The following TBC1D30 variants were observed in gnomAD, a reference collection of about 807,000 sequenced individuals.
TBC1D30 encodes TBC1 domain family member 30, also known as TBC1 domain family, member 30.
TBC1D30 carries 31 observed loss-of-function variants against 63.2 expected under a neutral mutation model. That is an observed-to-expected ratio of 0.49 (90% CI 0.37 to 0.66). The LOEUF is 0.66. Ranked by LOEUF, TBC1D30 falls within the 30% of genes least tolerant of loss-of-function variation. TBC1D30 has a pLI of 0.00. For missense variants in TBC1D30, 810 were observed against 953.6 expected (o/e 0.85, Z 1.98); for synonymous variants, 307 against 361.5 (o/e 0.85, Z 1.71).
chr12:64,857,513 G>A (rs1189681919), intron 8 of TBC1D30, among the ~76,000 whole-genome samples: 1 of 152,196 alleles, frequency 6.6e-6, no homozygotes, highest in Non-Finnish European at 1.5e-5. Context: ...TAAGCAGAAG[G>A]AAGGAGTCAC....
At chr12:64,788,645 C>T (rs546565097) in intron 2 of TBC1D30, among the ~76,000 whole-genome samples, 5 of 152,180 alleles carry the variant, frequency 3.3e-5, no homozygotes, top group East Asian at 1.9e-4. Context: ...AAGCGCTCAC[C>T]GTAATTCATG....
intron 1 of TBC1D30, among the ~76,000 whole-genome samples, chr12:64,773,702 G>A (rs1179659228): frequency 6.6e-6 from 1 of 152,186 alleles, no homozygotes; most frequent in Non-Finnish European, 1.5e-5. Context: ...AAAACCCAAG[G>A]TGACTGGGAC....
At chr12:64,807,836 C>A (rs1288686156) in intron 2 of TBC1D30, among the ~76,000 whole-genome samples, 1 of 151,616 alleles carries the variant, frequency 6.6e-6, no homozygotes, top group African/African-American at 2.4e-5. Flanking sequence ...ACCTTGAACT[C>A]CTGGGCTCAA....
Position 64,824,657 on chromosome 12 carries a change from G to A in TBC1D30, c.-223G>A, listed in dbSNP as rs1346726554. On this transcript the variant is annotated 5_prime_UTR_variant, in exon 1 of 12. Coordinates refer to ENST00000539867, the MANE Select transcript of TBC1D30 (RefSeq NM_015279.2). Reference sequence around the variant, plus strand: ...GCGATCTCCTGCCTCAGCCTTGCAGGCTCCGCACTGCAGATGCCTGCTGGC... The same window carrying A: ...GCGATCTCCTGCCTCAGCCTTGCAGACTCCGCACTGCAGATGCCTGCTGGC... 3.9e-6 allele frequency: 2 copies of A among 516,684 alleles called. No individual in the cohort carries two copies. Among genetic ancestry groups the A allele is most frequent in the East Asian group, 6.9e-5 (2 of 28,874 alleles). The allele number at this position is 516,684 out of a possible 1,614,324, so 32.0% of individuals were successfully genotyped here.
rs1879355169 is a variant in TBC1D30, at chr12:64,880,027, G to C, written c.*4239G>C. 6.6e-6 allele frequency: 1 copy of C among 152,208 alleles called. No homozygotes were observed. The highest frequency in any genetic ancestry group is 2.4e-5 in the African/African-American group (1 of 41,456). 9.4% of individuals were successfully genotyped at this position (152,208 alleles called of 1,614,324 possible). The stretch of plus-strand genomic sequence containing the variant: ...TAGGGGAGATGTTTGGATGAATTAT[G>C]ATTCATCCCCAGGATGGAAATGTGA... On this transcript the variant is annotated 3_prime_UTR_variant, in exon 12 of 12. Transcript: ENST00000539867.
intron 9 of TBC1D30, among the ~76,000 whole-genome samples, chr12:64,865,272 A>G (rs1443783212): frequency 2.7e-5 from 4 of 149,202 alleles, no homozygotes; most frequent in African/African-American, 7.5e-5. Context: ...TAAATTCCAT[A>G]TGGATGAATG....
chr12:64,859,063 T>G (rs1423923846), intron 8 of TBC1D30, among the ~76,000 whole-genome samples: 1 of 151,314 alleles, frequency 6.6e-6, no homozygotes, highest in African/African-American at 2.4e-5. Flanking sequence ...TGTGGAGGGG[T>G]GCATATATAT....
At chr12:64,796,614 T>C (rs1283539284) in intron 2 of TBC1D30, among the ~76,000 whole-genome samples, 1 of 152,208 alleles carries the variant, frequency 6.6e-6, no homozygotes, top group Non-Finnish European at 1.5e-5. Context: ...ATTTTTGTGT[T>C]TAGTTATATT....
intron 6 of TBC1D30, 117 bp from the exon 7 acceptor site, chr12:64,838,566 A>C: frequency 9.8e-7 from 1 of 1,017,326 alleles, no homozygotes; most frequent in Non-Finnish European, 1.4e-6. Context: ...AGAAATATGA[A>C]GAAATCAGTC....
intron 2 of TBC1D30, among the ~76,000 whole-genome samples, chr12:64,801,363 G>A (rs1352592288): frequency 6.6e-6 from 1 of 152,132 alleles, no homozygotes; most frequent in African/African-American, 2.4e-5. Context: ...AGGTGATTTG[G>A]CTATGAAAGC....
Position 64,830,480 on chromosome 12 carries a change from C to G in TBC1D30, c.386C>G (p.Ser129Cys), listed in dbSNP as rs1184293302. 1 of 1,533,758 alleles carries G rather than the reference C, an allele frequency of 6.5e-7. No individual in the cohort carries two copies. The highest frequency in any genetic ancestry group is 8.7e-7 in the Non-Finnish European group (1 of 1,145,464). ...FNERSNPDDD[S>C]MGIQIVKDLH... ...GAAAGGAGTAATCCTGATGATGACT[C>G]CATGGGAATTCAGATAGTCAAGGTA... is the stretch of plus-strand genomic sequence containing the variant. The change falls in exon 4 of 12, where the codon TCC (serine) becomes TGC (cysteine). Residue 129 changes from serine (S) to cysteine (C), a missense_variant. Ser to Cys is a moderately radical substitution (Grantham distance 112). Transcript: ENST00000539867.
intron 1 of TBC1D30, among the ~76,000 whole-genome samples, chr12:64,782,950 A>G (rs1425579485): frequency 6.6e-6 from 1 of 152,172 alleles, no homozygotes; most frequent in Non-Finnish European, 1.5e-5. Flanking sequence ...TATTGATAAC[A>G]TCATTCGCGT....
intron 9 of TBC1D30, among the ~76,000 whole-genome samples, chr12:64,865,044 A>G (rs1592655507): frequency 6.6e-6 from 1 of 152,014 alleles, no homozygotes; most frequent in East Asian, 1.9e-4. Flanking sequence ...AAAAATCTCA[A>G]TAGTTAAAAT....
intron 2 of TBC1D30, among the ~76,000 whole-genome samples, chr12:64,790,825 G>A (rs969177821): frequency 2.0e-5 from 3 of 152,224 alleles, no homozygotes; most frequent in Admixed American, 6.5e-5. Context: ...AAAAGAATTT[G>A]TGTGGTCCTG....
intron 1 of TBC1D30, among the ~76,000 whole-genome samples, chr12:64,770,582 C>T (rs560122032): frequency 1.5e-4 from 23 of 152,334 alleles, no homozygotes; most frequent in Non-Finnish European, 1.5e-5. Context: ...TAGGTGTGCA[C>T]GTGTGACAAC....
chr12:64,849,297 A>G (rs181785623), intron 8 of TBC1D30, among the ~76,000 whole-genome samples: 1 of 152,222 alleles, frequency 6.6e-6, no homozygotes, highest in East Asian at 1.9e-4. Flanking sequence ...CCATTTGTCT[A>G]TTTTGGCTTT....
chr12:64,784,170 T>G (rs1871433557), intron 1 of TBC1D30, among the ~76,000 whole-genome samples: 1 of 152,088 alleles, frequency 6.6e-6, no homozygotes, highest in Non-Finnish European at 1.5e-5. Flanking sequence ...AATTCCTTAT[T>G]TTTACTTAAA....
intron 3 of TBC1D30, among the ~76,000 whole-genome samples, 154 bp downstream of exon 3, chr12:64,828,663 C>T (rs1020769172): frequency 6.6e-6 from 1 of 151,928 alleles, no homozygotes; most frequent in Admixed American, 6.6e-5. Flanking sequence ...TTATTCTGTG[C>T]CAAGTAATGT....
At chr12:64,833,955 G>C (rs764232707) in intron 5 of TBC1D30, among the ~76,000 whole-genome samples, 1 of 151,896 alleles carries the variant, frequency 6.6e-6, no homozygotes, top group Non-Finnish European at 1.5e-5. Context: ...TTAGGGGGTC[G>C]GATGGAGATG....
Sources: gnomAD v4.1 joint callset for allele counts (sites outside exome capture counted in the v4.1 genomes callset) on GRCh38, gnomAD v4.1.1 for gene constraint, MANE v1.5 for transcripts, NCBI Gene and HGNC (gene_info 2026-07-23, HGNC 2026-07-21) for gene names.